The following ETV1 variants were observed in gnomAD, a reference collection of about 807,000 sequenced individuals.
The protein encoded by ETV1 is ETS translocation variant 1.
Under a neutral mutation model 62.3 loss-of-function variants are expected in ETV1, and 27 were observed. The ratio of observed to expected loss-of-function variants is 0.43; its 90% CI spans 0.32 to 0.60. ETV1 has a LOEUF of 0.60. Ranked by LOEUF, ETV1 falls within the 20% of genes least tolerant of loss-of-function variation. The probability of loss-of-function intolerance (pLI) is 0.06; values close to 1 mark genes in which losing one functional copy is unlikely to be tolerated. For missense variants in ETV1, 605 were observed against 605.8 expected, an observed-to-expected ratio of 1.00 and a Z score of 0.01; for synonymous variants, 222 against 199.6, an observed-to-expected ratio of 1.11 and a Z score of -0.94.
chr7:13,912,161 G>C (rs1256498955), intron 9 of ETV1, among the ~76,000 whole-genome samples: 1 of 152,172 alleles, frequency 6.6e-6, no homozygotes, highest in Non-Finnish European at 1.5e-5. Context: ...TGACTCTGGA[G>C]GCAGCCAGAG....
chr7:13,971,452 A>C (rs1780896048), intron 6 of ETV1, among the ~76,000 whole-genome samples: 1 of 152,232 alleles, frequency 6.6e-6, no homozygotes, highest in African/African-American at 2.4e-5. Flanking sequence ...TATCTGATAA[A>C]GTACAGAAGT....
intron 6 of ETV1, among the ~76,000 whole-genome samples, chr7:13,941,542 T>C (rs576444907): frequency 7.2e-4 from 110 of 152,294 alleles, no homozygotes; most frequent in African/African-American, 2.5e-3. Flanking sequence ...GTAAACATTT[T>C]TTAAATGTGA....
chr7:13,986,121 G>C, intron 5 of ETV1: 1 of 1,585,070 alleles, frequency 6.3e-7, no homozygotes, highest in Non-Finnish European at 8.6e-7. Context: ...CACACCTAAC[G>C]TTCTGTGTTG....
intron 6 of ETV1, among the ~76,000 whole-genome samples, chr7:13,956,048 G>A (rs73679051): frequency 0.042 from 6,421 of 151,984 alleles, 396 homozygotes; most frequent in African/African-American, 0.13. Flanking sequence ...CCAATACCCC[G>A]CATGCAGTTT....
intron 6 of ETV1, chr7:13,958,625 TA>T (rs1789770604): frequency 6.6e-6 from 1 of 152,154 alleles, no homozygotes; most frequent in Non-Finnish European, 1.5e-5. Context: ...CCGACAATCT[TA>T]GTTTTGGCAC....
chr7:13,930,635 C>A (rs1252417019), intron 9 of ETV1, among the ~76,000 whole-genome samples: 1 of 151,728 alleles, frequency 6.6e-6, no homozygotes, highest in Non-Finnish European at 1.5e-5. Flanking sequence ...TTTAAACCCT[C>A]CCTCCTTTCA....
chr7:13,913,205 A>G (rs1783730649), intron 9 of ETV1, among the ~76,000 whole-genome samples: 1 of 152,246 alleles, frequency 6.6e-6, no homozygotes, highest in Non-Finnish European at 1.5e-5. Context: ...TAAAATGTAC[A>G]AAGTTCAACA....
At chr7:13,962,903 G>A (rs754734326) in intron 6 of ETV1, among the ~76,000 whole-genome samples, 2 of 151,836 alleles carry the variant, frequency 1.3e-5, no homozygotes, top group African/African-American at 2.4e-5. Context: ...ATGTATACAC[G>A]GATGTGGCAA....
intron 12 of ETV1, among the ~76,000 whole-genome samples, chr7:13,905,006 G>A (rs184223442): frequency 2.2e-4 from 33 of 149,656 alleles, no homozygotes; most frequent in African/African-American, 7.6e-4. Context: ...CTGTGTGTGC[G>A]TGCTTGATGT....
At chr7:13,917,866 A>T (rs1784363733) in intron 9 of ETV1, among the ~76,000 whole-genome samples, 1 of 151,934 alleles carries the variant, frequency 6.6e-6, no homozygotes, top group Admixed American at 6.6e-5. Flanking sequence ...CGGGAGGCTG[A>T]GGCAGGAAAA....
At chr7:13,949,355 T>C (rs1480847350) in intron 6 of ETV1, among the ~76,000 whole-genome samples, 2 of 152,162 alleles carry the variant, frequency 1.3e-5, no homozygotes. Context: ...TTTCAGGTAA[T>C]AAATGGATCG....
chr7:13,896,906 G>A (rs1781904440), intron 13 of ETV1, among the ~76,000 whole-genome samples: 1 of 151,974 alleles, frequency 6.6e-6, no homozygotes, highest in Admixed American at 6.6e-5. Context: ...TGTGTAAAGT[G>A]TCAAATTGAA....
chr7:13,930,291 A>G (rs1395855761), intron 9 of ETV1, among the ~76,000 whole-genome samples: 4 of 152,188 alleles, frequency 2.6e-5, no homozygotes, highest in African/African-American at 9.7e-5. Context: ...CTCAAGGTTC[A>G]AATATTGGCA....
chr7:13,933,158 GC>G (rs1786385732), intron 8 of ETV1, among the ~76,000 whole-genome samples: 1 of 152,172 alleles, frequency 6.6e-6, no homozygotes. Flanking sequence ...TAAGAAACTG[GC>G]TCACTTGTGA....
chr7:13,926,053 A>G (rs966590944), intron 9 of ETV1, among the ~76,000 whole-genome samples: 1 of 152,208 alleles, frequency 6.6e-6, no homozygotes, highest in Non-Finnish European at 1.5e-5. Context: ...AAAACTCAGT[A>G]GTCTCATTTC....
intron 7 of ETV1, among the ~76,000 whole-genome samples, chr7:13,938,472 C>T (rs1051973257): frequency 7.4e-5 from 10 of 135,232 alleles, no homozygotes; most frequent in Non-Finnish European, 4.5e-5. Context: ...TCAGTAGAGA[C>T]AGCCAACTTT....
chr7:13,961,068 C>T (rs995697649), intron 6 of ETV1, among the ~76,000 whole-genome samples: 13 of 137,364 alleles, frequency 9.5e-5, no homozygotes, highest in African/African-American at 2.7e-4. Context: ...ATCGCTTGAG[C>T]GCGGGTGGTT....
chr7:13,968,020 G>C (rs1780482056), intron 6 of ETV1, among the ~76,000 whole-genome samples: 1 of 151,948 alleles, frequency 6.6e-6, no homozygotes, highest in Non-Finnish European at 1.5e-5. Context: ...CCTTTACCTA[G>C]ATTTTTCCAA....
At chr7:13,975,102 T>C (rs1471884405) in intron 6 of ETV1, 1 of 152,226 alleles carries the variant, frequency 6.6e-6, no homozygotes, top group Non-Finnish European at 1.5e-5. Context: ...TTTAAAATAA[T>C]CAAAATTAAA....
Sources: allele counts gnomAD v4.1 joint callset (sites outside exome capture counted in the v4.1 genomes callset), GRCh38; gene constraint gnomAD v4.1.1; transcripts MANE v1.5; gene names NCBI Gene and HGNC (gene_info 2026-07-23, HGNC 2026-07-21).